Variants in USP49 observed in about 807,000 individuals in gnomAD.
USP49 encodes the protein ubiquitin carboxyl-terminal hydrolase 49.
Under a neutral mutation model 58.6 loss-of-function variants are expected in USP49, and 24 were observed. The observed-to-expected ratio is 0.41, with a 90% CI of 0.30 to 0.58. The LOEUF (loss-of-function observed/expected upper bound fraction) is 0.58, where lower values mean the gene tolerates loss of function less well. USP49 is among the 20% of genes least tolerant of loss of function. The pLI is 0.30. For synonymous variants in USP49, 408 were observed against 365.1 expected (o/e 1.12, Z -1.34); for missense variants, 703 against 866.1 (o/e 0.81, Z 2.36).
intron 3 of USP49, among the ~76,000 whole-genome samples, chr6:41,848,771 T>C (rs1358241505): frequency 6.7e-6 from 1 of 150,106 alleles, no homozygotes; most frequent in African/African-American, 2.5e-5. Context: ...AGGAGAATGG[T>C]GTGAACCCGG....
intron 3 of USP49, among the ~76,000 whole-genome samples, chr6:41,812,175 G>T (rs1354009315): frequency 6.6e-6 from 1 of 151,702 alleles, no homozygotes; most frequent in Non-Finnish European, 1.5e-5. Context: ...CGCCTCCCGA[G>T]TTCAAGCGAT....
At chr6:41,809,837 T>C (rs914321111) in intron 3 of USP49, among the ~76,000 whole-genome samples, 4 of 132,880 alleles carry the variant, frequency 3.0e-5, no homozygotes, top group African/African-American at 1.1e-4. Context: ...AAAAAATAAA[T>C]AGATAAATAA....
intron 3 of USP49, among the ~76,000 whole-genome samples, chr6:41,844,187 C>G (rs965879236): frequency 6.6e-6 from 1 of 152,014 alleles, no homozygotes; most frequent in Non-Finnish European, 1.5e-5. Context: ...TGCCACTGCA[C>G]TCCAGCCTGG....
intron 3 of USP49, among the ~76,000 whole-genome samples, chr6:41,811,564 ATCT>A (rs1302013194): frequency 6.6e-6 from 1 of 152,154 alleles, no homozygotes; most frequent in Admixed American, 6.5e-5. Flanking sequence ...GAATACTGTA[ATCT>A]TCTTCAGAGA....
Position 41,806,774 on chromosome 6 carries a change from C to T in USP49, c.210G>A (p.Arg70=), listed in dbSNP as rs761578620. 22 of 1,614,098 alleles carry T rather than the reference C, an allele frequency of 1.4e-5. No individual in the cohort carries two copies. The highest frequency in any genetic ancestry group is 1.6e-4 in the Middle Eastern group (1 of 6,084). Residue 70 remains arginine, a synonymous_variant, in exon 4 of 8, where the codon CGG becomes CGA. Coordinates refer to ENST00000682992, the MANE Select transcript of USP49 (RefSeq NM_001286554.2). This position sits in a 1 kb window ranked among gnomAD's most constrained non-coding sequence, Gnocchi z 5.9. ...ACAGGTAACAGAACACGTAGAGATC[C>T]CGGACTTCCATGGCTAGCGGGTGTC... is the stretch of plus-strand genomic sequence containing the variant. ...ETGHPLAMEV[R]DLYVFCYLCK...
Position 41,803,426 on chromosome 6 carries a change from C to T in USP49, c.1561+380G>A, listed in dbSNP as rs1254232268. On this transcript the variant is annotated intron_variant, in intron 5 of 7. Coordinates refer to ENST00000682992, the MANE Select transcript of USP49 (RefSeq NM_001286554.2). The surrounding 1 kb of genome is among the most constrained non-coding windows in gnomAD (Gnocchi z 4.1). The stretch of plus-strand genomic sequence containing the variant: ...TCAACCGATTCTCCTGCCTCAGCCT[C>T]CCGAGTAGCTGGGATTACAGGCATC... Among the ~76,000 whole-genome samples, 1 of 152,210 alleles carries T rather than the reference C, an allele frequency of 6.6e-6. No homozygotes were observed. The highest frequency in any genetic ancestry group is 1.9e-4 in the East Asian group (1 of 5,200).
chr6:41,796,994 G>A (rs1176568643), intron 7 of USP49, among the ~76,000 whole-genome samples: 1 of 143,612 alleles, frequency 7.0e-6, no homozygotes, highest in Non-Finnish European at 1.5e-5. Context: ...CTGTCACCCA[G>A]GCTGGAGTGC....
intron 2 of USP49, among the ~76,000 whole-genome samples, chr6:41,876,742 T>G (rs984687415): frequency 6.6e-5 from 10 of 152,144 alleles, no homozygotes; most frequent in African/African-American, 2.4e-4. Context: ...CCAAATGCCT[T>G]GGAAGATACA....
chr6:41,828,977 A>C (rs1406025483), intron 3 of USP49, among the ~76,000 whole-genome samples: 1 of 152,116 alleles, frequency 6.6e-6, no homozygotes, highest in East Asian at 1.9e-4. Flanking sequence ...TGAACATGCT[A>C]TCTCTCTGTT....
chr6:41,805,508 A>C, intron 4 of USP49, 120 bp downstream of exon 4: 2 of 1,130,602 alleles, frequency 1.8e-6, no homozygotes, highest in Non-Finnish European at 2.5e-6. Flanking sequence ...CCACCCTCCA[A>C]ATTGCATAAT....
intron 2 of USP49, among the ~76,000 whole-genome samples, chr6:41,883,847 T>TG (rs150210056): frequency 0.014 from 2,067 of 152,094 alleles, 41 homozygotes; most frequent in African/African-American, 0.047. Flanking sequence ...TGTCCACTCC[T>TG]GGGTCTGTGT....
intron 3 of USP49, among the ~76,000 whole-genome samples, chr6:41,822,261 C>A (rs1462377261): frequency 6.6e-6 from 1 of 152,178 alleles, no homozygotes; most frequent in Non-Finnish European, 1.5e-5. Context: ...CTGAAGAGGG[C>A]TTTCCACACA....
chr6:41,828,507 G>A (rs913356026), intron 3 of USP49, among the ~76,000 whole-genome samples: 1 of 152,146 alleles, frequency 6.6e-6, no homozygotes, highest in African/African-American at 2.4e-5. Context: ...AATACTGGCA[G>A]AAACAAAATA....
At chr6:41,818,744 C>T (rs1773402283) in intron 3 of USP49, among the ~76,000 whole-genome samples, 1 of 152,202 alleles carries the variant, frequency 6.6e-6, no homozygotes, top group Non-Finnish European at 1.5e-5. Flanking sequence ...ATGTCACTCA[C>T]AGGCCAGAAT....
At position 41,791,684 on chromosome 6, in the gene USP49, AC is replaced by A. The variant is rs1296240348; in HGVS notation, c.*4848del. ...GCCAGCAGAAGTATGGAATGAGTCC[AC>A]AAAAATGAGTGCCTGCCACAATGCT... On this transcript the variant is annotated 3_prime_UTR_variant, in exon 8 of 8. Transcript: ENST00000682992. 1 of 152,256 alleles carries A rather than the reference AC, an allele frequency of 6.6e-6. No homozygotes were observed. The highest frequency in any genetic ancestry group is 1.5e-5 in the Non-Finnish European group (1 of 68,052). The allele number at this position is 152,256 out of a possible 1,614,324, so 9.4% of individuals were successfully genotyped here.
At chr6:41,819,584 C>T (rs534171289) in intron 3 of USP49, among the ~76,000 whole-genome samples, 3 of 152,130 alleles carry the variant, frequency 2.0e-5, no homozygotes, top group Non-Finnish European at 2.9e-5. Context: ...AGTTGTCAAG[C>T]ATTATTCAAA....
In USP49 at chr6:41,803,912, C is replaced by G. The variant is rs770888964; in HGVS notation, c.1455G>C (p.Gly485=). Residue 485 remains glycine, a synonymous_variant, in exon 5 of 8, where the codon GGG becomes GGC. Transcript: ENST00000682992. The surrounding 1 kb of genome is among the most constrained non-coding windows in gnomAD (Gnocchi z 4.1). ...ACTCTGTTTGATTCAAAGGGACAAA[C>G]CCCTTTTCTATGCAGTGATAGCGTT... ...FPERYHCIEK[G]FVPLNQTECL... The G allele has an allele frequency of 3.7e-6, 6 of 1,614,192 alleles. No individual in the cohort carries two copies. The highest frequency in any genetic ancestry group is 5.1e-6 in the Non-Finnish European group (6 of 1,180,032).
At chr6:41,811,581 GATTATGTAT>G (rs1773258130) in intron 3 of USP49, among the ~76,000 whole-genome samples, 2 of 152,258 alleles carry the variant, frequency 1.3e-5, no homozygotes, top group South Asian at 4.2e-4. Context: ...TCAGAGAGGA[GATTATGTAT>G]ATTTCTGTTT....
chr6:41,843,328 C>G (rs772471284), intron 3 of USP49, among the ~76,000 whole-genome samples: 2 of 152,098 alleles, frequency 1.3e-5, no homozygotes, highest in African/African-American at 4.8e-5. Flanking sequence ...TATACTTTTA[C>G]GGAGTTATAA....
Sources: gnomAD v4.1 joint callset for allele counts (sites outside exome capture counted in the v4.1 genomes callset) on GRCh38, gnomAD v4.1.1 for gene constraint, Gnocchi (gnomAD v3.1) non-coding constraint, MANE v1.5 for transcripts, NCBI Gene and HGNC (gene_info 2026-07-23, HGNC 2026-07-21) for gene names.